The following INPP5A variants were observed in gnomAD, a reference collection of about 807,000 sequenced individuals.
INPP5A encodes the protein 43 kDa inositol polyphosphate 5-phophatase.
INPP5A carries 14 observed loss-of-function variants against 65.2 expected under a neutral mutation model. The observed-to-expected ratio is 0.21, with a 90% CI of 0.14 to 0.34. The LOEUF is 0.34. Among genes scored for constraint, INPP5A ranks in the 10% least tolerant of loss-of-function variants. The probability of loss-of-function intolerance (pLI) is 1.00; values close to 1 mark genes in which losing one functional copy is unlikely to be tolerated. For synonymous variants in INPP5A, 207 were observed against 208.3 expected, an observed-to-expected ratio of 0.99 and a Z score of 0.05; for missense variants, 431 against 545.6, an observed-to-expected ratio of 0.79 and a Z score of 2.09.
At chr10:132,626,927 G>A (rs2072192575) in intron 2 of INPP5A, among the ~76,000 whole-genome samples, 1 of 152,192 alleles carries the variant, frequency 6.6e-6, no homozygotes, top group Non-Finnish European at 1.5e-5. Context: ...CTGGGGCGGG[G>A]TGGGTGTCAT....
Position 132,686,394 on chromosome 10 carries a change from C to T in INPP5A, c.307-3998C>T, listed in dbSNP as rs146570723. ...AAAGTATTTTGTTTTTAGCAAGAGG[C>T]GAGGAGTCATTATTCTCAGATGTGA... On this transcript the variant is annotated intron_variant, in intron 4 of 15. Coordinates refer to ENST00000368594, the MANE Select transcript of INPP5A (RefSeq NM_005539.5). Among the ~76,000 whole-genome samples, 461 of 152,286 alleles carry T rather than the reference C, an allele frequency of 3.0e-3. 1 individual carries two copies. Among genetic ancestry groups the T allele is most frequent in the Non-Finnish European group, 4.4e-3 (302 of 68,022 alleles).
At chr10:132,719,602 G>A (rs867410491) in intron 8 of INPP5A, among the ~76,000 whole-genome samples, 1 of 147,124 alleles carries the variant, frequency 6.8e-6, no homozygotes, top group Non-Finnish European at 1.5e-5. Flanking sequence ...TGGTGCCTGG[G>A]TTCTTTCTGG....
At position 132,565,719 on chromosome 10, in the gene INPP5A, T is replaced by TTGTG. The variant is rs140193152; in HGVS notation, c.75+27567_75+27570dup. ...TGTGTATGTGAATGTGTGCCTGAGT[T>TTGTG]TGTGTGTGTGTGTGTGTGTGTGCGC... is the stretch of plus-strand genomic sequence containing the variant. On this transcript the variant is annotated intron_variant, in intron 1 of 15. Coordinates refer to ENST00000368594, the MANE Select transcript of INPP5A (RefSeq NM_005539.5). Among the ~76,000 whole-genome samples, 65 of 146,252 alleles carry TTGTG rather than the reference T, an allele frequency of 4.4e-4. 1 individual carries two copies. The highest frequency in any genetic ancestry group is 4.8e-4 in the Admixed American group (7 of 14,628).
intron 11 of INPP5A, among the ~76,000 whole-genome samples, chr10:132,763,487 GCATGCAAAGACACA>G (rs1286982481): frequency 6.6e-5 from 10 of 152,280 alleles, no homozygotes; most frequent in Non-Finnish European, 1.5e-4. Context: ...GTAAATGCCT[GCATGCAAAGACACA>G]CATGCCTGCA....
chr10:132,726,727 T>A lies in INPP5A; in HGVS notation c.648-94T>A, dbSNP rs1382203395. ...CTGCAGCAGGTGACAGAACAGAGAG[T>A]GTGCGGATGGGGAGCGTGGAGGAGC... On this transcript the variant is annotated intron_variant, in intron 8 of 15. Transcript: ENST00000368594. 4 of 829,266 alleles carry A rather than the reference T, an allele frequency of 4.8e-6. No homozygotes were observed. In the African/African-American group the frequency reaches 6.9e-5, roughly 14 times the overall value. 51.4% of individuals were successfully genotyped at this position (829,266 alleles called of 1,614,324 possible). A position where few individuals can be genotyped will look rare whatever the true frequency, so the allele number is the denominator to read the frequency against.
intron 1 of INPP5A, among the ~76,000 whole-genome samples, chr10:132,580,708 CTTGT>C (rs958034724): frequency 1.3e-5 from 2 of 152,202 alleles, no homozygotes; most frequent in Admixed American, 6.5e-5. Flanking sequence ...ATAGCTAACA[CTTGT>C]TTATCTGCCA....
intron 6 of INPP5A, among the ~76,000 whole-genome samples, chr10:132,700,791 A>G (rs1414061041): frequency 6.6e-6 from 1 of 152,226 alleles, no homozygotes; most frequent in African/African-American, 2.4e-5. Flanking sequence ...TGATGGGGGT[A>G]TAATGCAGTC....
At chr10:132,715,929 C>T (rs1362695672) in intron 8 of INPP5A, among the ~76,000 whole-genome samples, 2 of 152,250 alleles carry the variant, frequency 1.3e-5, no homozygotes, top group East Asian at 3.9e-4. Flanking sequence ...CCTGGCAGCA[C>T]AAGCCCGTGC....
intron 1 of INPP5A, among the ~76,000 whole-genome samples, chr10:132,596,029 C>T (rs566844238): frequency 6.6e-6 from 1 of 152,278 alleles, no homozygotes; most frequent in South Asian, 2.1e-4. Flanking sequence ...ACACGCAGAG[C>T]TGCTTGGCCT....
rs1424137464 is a variant in INPP5A, at chr10:132,575,552, A to G, written c.76-32363A>G. Among the ~76,000 whole-genome samples the G allele has an allele frequency of 1.3e-5, 2 of 152,218 alleles. No homozygotes were observed. The highest frequency in any genetic ancestry group is 1.9e-4 in the East Asian group (1 of 5,198). ...TGAAAAGGGGAAAGCAATGAGCACT[A>G]TCCTACTTCCCTAACCCAACCACAA... is the stretch of plus-strand genomic sequence containing the variant. On this transcript the variant is annotated intron_variant, in intron 1 of 15. Coordinates refer to ENST00000368594, the MANE Select transcript of INPP5A (RefSeq NM_005539.5). The surrounding 1 kb of genome is among the most constrained non-coding windows in gnomAD (Gnocchi z 5.4).
intron 2 of INPP5A, among the ~76,000 whole-genome samples, chr10:132,633,644 C>A (rs1187743128): frequency 1.3e-5 from 2 of 152,140 alleles, no homozygotes; most frequent in Non-Finnish European, 2.9e-5. Context: ...CATTATGAGA[C>A]CAGGAAAGAT....
Position 132,616,619 on chromosome 10 carries a change from GGTGACATGGGACATGGTA to G in INPP5A, c.117+8681_117+8698del, listed in dbSNP as rs1482235775. 1.3e-5 allele frequency among the ~76,000 whole-genome samples: 2 copies of G among 152,000 alleles called. No homozygotes were observed. The highest frequency in any genetic ancestry group is 2.9e-5 in the Non-Finnish European group (2 of 67,986). ...TGGGATGTGGTTTTGGGGTTGCAGTGGTGACATGGGACATGGTAGTGACATGGGACATGGTGACAGGGT... is the reference window on the plus strand; with the variant it reads ...TGGGATGTGGTTTTGGGGTTGCAGTGGTGACATGGGACATGGTGACAGGGT... On this transcript the variant is annotated intron_variant, in intron 2 of 15. Transcript: ENST00000368594. This position sits in a 1 kb window ranked among gnomAD's most constrained non-coding sequence, Gnocchi z 4.9.
intron 9 of INPP5A, among the ~76,000 whole-genome samples, chr10:132,739,228 C>T (rs770798808): frequency 2.0e-5 from 3 of 152,196 alleles, no homozygotes; most frequent in Non-Finnish European, 4.4e-5. Context: ...TACAGAACGC[C>T]GTTCCTGGCT....
chr10:132,693,586 T>G (rs933139243), intron 5 of INPP5A, among the ~76,000 whole-genome samples: 1 of 152,080 alleles, frequency 6.6e-6, no homozygotes, highest in Non-Finnish European at 1.5e-5. Flanking sequence ...CAGAAAGATC[T>G]GAAATCAATT....
At chr10:132,720,097 C>T (rs12778170) in intron 8 of INPP5A, among the ~76,000 whole-genome samples, 15,079 of 111,434 alleles carry the variant, frequency 0.14, 966 homozygotes, top group Middle Eastern at 0.21. Context: ...GGCTGTCTTG[C>T]GGGTTCTGTG....
At chr10:132,639,055 A>G (rs1055784597) in intron 2 of INPP5A, among the ~76,000 whole-genome samples, 2 of 152,080 alleles carry the variant, frequency 1.3e-5, no homozygotes, top group African/African-American at 4.8e-5. Context: ...GGCTCATTCT[A>G]TGTATTTTAA....
chr10:132,754,571 G>A (rs921616291), intron 11 of INPP5A, among the ~76,000 whole-genome samples: 1 of 152,236 alleles, frequency 6.6e-6, no homozygotes, highest in Non-Finnish European at 1.5e-5. Flanking sequence ...GAAGGTTCAA[G>A]TTCACTTCAA....
intron 11 of INPP5A, among the ~76,000 whole-genome samples, chr10:132,751,637 G>A (rs1055850699): frequency 4.0e-5 from 6 of 151,054 alleles, no homozygotes; most frequent in South Asian, 4.2e-4. Context: ...AGGTGTCTTC[G>A]TGGAGGCAGG....
chr10:132,680,300 G>A (rs997796960), intron 4 of INPP5A, among the ~76,000 whole-genome samples: 4 of 152,204 alleles, frequency 2.6e-5, no homozygotes, highest in South Asian at 4.1e-4. Context: ...GTTTGAATAG[G>A]CGTCTTCCCT....
Sources: gnomAD v4.1 joint callset for allele counts (sites outside exome capture counted in the v4.1 genomes callset) on GRCh38, gnomAD v4.1.1 for gene constraint, Gnocchi (gnomAD v3.1) non-coding constraint, MANE v1.5 for transcripts, NCBI Gene and HGNC (gene_info 2026-07-23, HGNC 2026-07-21) for gene names.